The following CDC42SE2 variants were observed in gnomAD, a reference collection of about 807,000 sequenced individuals.
The protein encoded by CDC42SE2 is CDC42 small effector protein 2.
CDC42SE2 carries 3 observed loss-of-function variants against 11.5 expected under a neutral mutation model. The observed-to-expected ratio is 0.26, with a 90% confidence interval of 0.12 to 0.67. The LOEUF (loss-of-function observed/expected upper bound fraction) is 0.67. Among genes scored for constraint, CDC42SE2 ranks in the 30% least tolerant of loss-of-function variants. The pLI, the probability that CDC42SE2 is intolerant of heterozygous loss-of-function variation, is 0.80. For synonymous variants in CDC42SE2, 33 were observed against 34.8 expected (o/e 0.95, Z 0.18); for missense variants, 82 against 106.8 (o/e 0.77, Z 1.02).
chr5:131,321,696 G>A (rs181251230), intron 2 of CDC42SE2, among the ~76,000 whole-genome samples: 10 of 152,236 alleles, frequency 6.6e-5, no homozygotes, highest in African/African-American at 2.2e-4. Flanking sequence ...TAGGATAATG[G>A]TGGGAAACTT....
intron 1 of CDC42SE2, among the ~76,000 whole-genome samples, chr5:131,276,790 C>G (rs754115547): frequency 6.7e-6 from 1 of 149,250 alleles, no homozygotes; most frequent in African/African-American, 2.5e-5. Flanking sequence ...TGTAGTGGTG[C>G]AATTTTGGTT....
chr5:131,260,000 A>C (rs1756710107), upstream of CDC42SE2, among the ~76,000 whole-genome samples: 1 of 152,258 alleles, frequency 6.6e-6, no homozygotes, highest in Non-Finnish European at 1.5e-5. Flanking sequence ...CCATTTTCTC[A>C]GTATTACAAA....
chr5:131,320,054 GA>G (rs763857152), intron 2 of CDC42SE2, among the ~76,000 whole-genome samples: 867 of 62,808 alleles, frequency 0.014, 11 homozygotes, highest in Admixed American at 0.029. Flanking sequence ...CCGTCTTAAA[GA>G]AAAAAAAAAA....
At chr5:131,309,900 C>T (rs1433795715) in intron 1 of CDC42SE2, among the ~76,000 whole-genome samples, 1 of 151,290 alleles carries the variant, frequency 6.6e-6, no homozygotes, top group African/African-American at 2.4e-5. Flanking sequence ...AAAACCAGCT[C>T]CTGGATTCAT....
At chr5:131,212,235 G>GA in the CDC42SE2 span, among the ~76,000 whole-genome samples, 1 of 151,968 alleles carries the variant, frequency 6.6e-6, no homozygotes, top group South Asian at 2.1e-4. Flanking sequence ...AGCCTCCTGA[G>GA]TAGCTGGGAC....
At chr5:131,247,198 C>T (rs376438364) in intron 1 of CDC42SE2, among the ~76,000 whole-genome samples, 123 of 152,144 alleles carry the variant, frequency 8.1e-4, no homozygotes, top group African/African-American at 2.9e-3. Context: ...AAAATATTAG[C>T]AAATCAAATC....
At chr5:131,346,956 G>T (rs776736980) in intron 2 of CDC42SE2, among the ~76,000 whole-genome samples, 3 of 152,086 alleles carry the variant, frequency 2.0e-5, no homozygotes, top group Non-Finnish European at 4.4e-5. Context: ...TGAAACCAGC[G>T]AGAACAAAGA....
At chr5:131,357,615 T>C (rs1341670725) in intron 2 of CDC42SE2, among the ~76,000 whole-genome samples, 2 of 152,336 alleles carry the variant, frequency 1.3e-5, no homozygotes, top group East Asian at 1.9e-4. Flanking sequence ...AATAAGTGAT[T>C]TATATTTCGC....
intron 1 of CDC42SE2, among the ~76,000 whole-genome samples, chr5:131,292,559 CAAA>C (rs58166806): frequency 2.6e-4 from 31 of 117,870 alleles, no homozygotes; most frequent in Non-Finnish European, 4.1e-4. Context: ...GACTCCATCT[CAAA>C]AAAAAAAAAA....
the CDC42SE2 span, among the ~76,000 whole-genome samples, chr5:131,222,863 A>G: frequency 7.9e-5 from 12 of 152,242 alleles, no homozygotes; most frequent in East Asian, 1.9e-3. Context: ...TGCTACCTTA[A>G]TCCTGCCACT....
At chr5:131,346,662 A>G (rs994606878) in intron 2 of CDC42SE2, among the ~76,000 whole-genome samples, 5 of 152,222 alleles carry the variant, frequency 3.3e-5, no homozygotes, top group African/African-American at 1.2e-4. Flanking sequence ...CCTAATAGAC[A>G]TCTACAGAAC....
In CDC42SE2 at chr5:131,386,686, A is replaced by G. The variant is rs568724783; in HGVS notation, c.156+1042A>G. Reference sequence around the variant, plus strand: ...GCAGCACCAAATGCGGGTTCTTATCAGAGTTGTTCCTCACATTTGCCTTAA... The same window carrying G: ...GCAGCACCAAATGCGGGTTCTTATCGGAGTTGTTCCTCACATTTGCCTTAA... On this transcript the variant is annotated intron_variant, in intron 4 of 4. Coordinates refer to ENST00000505065, the MANE Select transcript of CDC42SE2 (RefSeq NM_001375635.1). Among the ~76,000 whole-genome samples the G allele has an allele frequency of 2.9e-3, 448 of 152,378 alleles. 2 individuals are homozygous for G. Among genetic ancestry groups the G allele is most frequent in the African/African-American group, 0.01 (418 of 41,596 alleles).
At chr5:131,336,396 C>A (rs1308815749) in intron 2 of CDC42SE2, among the ~76,000 whole-genome samples, 1 of 152,130 alleles carries the variant, frequency 6.6e-6, no homozygotes, top group African/African-American at 2.4e-5. Context: ...CTCTGGCTGC[C>A]CTTAACATTT....
At chr5:131,328,485 C>A (rs1758343189) in intron 2 of CDC42SE2, among the ~76,000 whole-genome samples, 1 of 152,108 alleles carries the variant, frequency 6.6e-6, no homozygotes, top group Admixed American at 6.6e-5. Context: ...AGAAATGTTT[C>A]ATTTCCCTCC....
intron 1 of CDC42SE2, among the ~76,000 whole-genome samples, chr5:131,309,844 T>C (rs987919257): frequency 6.6e-6 from 1 of 152,270 alleles, no homozygotes; most frequent in African/African-American, 2.4e-5. Flanking sequence ...TCTTTTTTTC[T>C]TTATTAGTCT....
the CDC42SE2 span, among the ~76,000 whole-genome samples, chr5:131,222,075 C>A: frequency 6.6e-6 from 1 of 152,216 alleles, no homozygotes; most frequent in Non-Finnish European, 1.5e-5. Flanking sequence ...TCTGACTCAT[C>A]ATTACATAAT....
the CDC42SE2 span, among the ~76,000 whole-genome samples, chr5:131,223,330 G>A: frequency 8.6e-5 from 13 of 151,974 alleles, no homozygotes; most frequent in Non-Finnish European, 1.8e-4. Flanking sequence ...CTTGACCTTC[G>A]CTTTTGGGAT....
the CDC42SE2 span, among the ~76,000 whole-genome samples, chr5:131,211,749 A>T: frequency 1.3e-5 from 2 of 152,138 alleles, no homozygotes; most frequent in African/African-American, 4.8e-5. Context: ...TTGGAGGACG[A>T]GGCAGGAGGA....
intron 1 of CDC42SE2, among the ~76,000 whole-genome samples, chr5:131,315,635 G>C (rs1381852564): frequency 6.6e-6 from 1 of 152,150 alleles, no homozygotes; most frequent in African/African-American, 2.4e-5. Context: ...CCAAAATCTG[G>C]ATTTTCATGT....
Sources: allele counts gnomAD v4.1 joint callset (sites outside exome capture counted in the v4.1 genomes callset), GRCh38; gene constraint gnomAD v4.1.1; transcripts MANE v1.5; gene names NCBI Gene and HGNC (gene_info 2026-07-23, HGNC 2026-07-21).